ARHGEF18: variants seen among roughly 807,000 people sequenced by gnomAD.
ARHGEF18 encodes the protein Rho/Rac guanine nucleotide exchange factor 18.
Under a neutral mutation model 155.7 loss-of-function variants are expected in ARHGEF18, and 93 were observed. The observed-to-expected ratio is 0.60, with a 90% CI of 0.50 to 0.71. ARHGEF18 has a LOEUF of 0.71. Among genes scored for constraint, ARHGEF18 ranks in the 30% least tolerant of loss-of-function variants. The probability of loss-of-function intolerance (pLI) is 0.00; values close to 1 mark genes in which losing one functional copy is unlikely to be tolerated. For synonymous variants in ARHGEF18, 742 were observed against 753.1 expected, an observed-to-expected ratio of 0.99 and a Z score of 0.24; for missense variants, 1,593 against 1,816.1, an observed-to-expected ratio of 0.88 and a Z score of 2.23.
chr19:7,453,355 A>T, intron 16 of ARHGEF18, 112 bp from the exon 17 acceptor site: 1 of 1,345,910 alleles, frequency 7.4e-7, no homozygotes, highest in Non-Finnish European at 1.0e-6. Flanking sequence ...ACACGCCCAT[A>T]CATAGTGTGT....
intron 10 of ARHGEF18, among the ~76,000 whole-genome samples, chr19:7,399,520 G>T (rs1331429999): frequency 1.4e-5 from 2 of 144,302 alleles, no homozygotes; most frequent in South Asian, 2.2e-4. Flanking sequence ...TTTGCTCTGT[G>T]CCCCAGCCTG....
At chr19:7,359,093 C>T (rs2145329057) in intron 1 of ARHGEF18, among the ~76,000 whole-genome samples, 1 of 152,156 alleles carries the variant, frequency 6.6e-6, no homozygotes, top group Non-Finnish European at 1.5e-5. Context: ...CACAGAGATA[C>T]CAGGAGAATG....
chr19:7,351,305 T>TTTTGTTTGTTTGTTTG (rs143178894), intron 1 of ARHGEF18, among the ~76,000 whole-genome samples: 5 of 150,304 alleles, frequency 3.3e-5, no homozygotes, highest in African/African-American at 7.3e-5. Flanking sequence ...AGTGGACTTC[T>TTTTGTTTGTTTGTTTG]TTTGTTTGTT....
At chr19:7,428,259 A>G (rs953149577) in intron 10 of ARHGEF18, among the ~76,000 whole-genome samples, 17 of 152,092 alleles carry the variant, frequency 1.1e-4, no homozygotes, top group Non-Finnish European at 1.5e-4. Flanking sequence ...TTTTAACTCA[A>G]TTTTCTTGGG....
Position 7,466,970 on chromosome 19 carries a change from C to T in ARHGEF18, c.2957C>T (p.Ser986Leu), listed in dbSNP as rs114123358. The T allele has an allele frequency of 4.9e-4, 785 of 1,613,336 alleles. 5 individuals are homozygous for T. The African/African-American group carries it at 8.6e-3, about 18-fold the overall frequency. The part of the protein sequence containing the change: ...SDPRLPTVLE[S>L]ELVQRIQTLS... ...CCCCGTCTGCCCACCGTCCTGGAGT[C>T]GGAGGTAGGCGCCCGCGGGTCTCCA... The change falls in exon 24 of 29, where the codon TCG becomes TTG. Residue 986 changes from serine (S) to leucine (L), a missense_variant. Ser to Leu is a moderately radical substitution (Grantham distance 145, BLOSUM62 -2). Transcript: ENST00000668164.
chr19:7,353,463 G>A (rs141492046), intron 1 of ARHGEF18, among the ~76,000 whole-genome samples: 5,441 of 151,678 alleles, frequency 0.036, 294 homozygotes, highest in African/African-American at 0.12. Flanking sequence ...GGTAGCGGGC[G>A]CCTGTAATCC....
At position 7,462,541 on chromosome 19, in the gene ARHGEF18, G is replaced by A. The variant is rs1158281840; in HGVS notation, c.2635+207G>A. Reference sequence around the variant, plus strand: ...CCTTAGACATAATCTGGGCCAAGCCGCTCCTTGCAGACATAAAGCACTTTC... The same window carrying A: ...CCTTAGACATAATCTGGGCCAAGCCACTCCTTGCAGACATAAAGCACTTTC... On this transcript the variant is annotated intron_variant, in intron 21 of 28. Transcript: ENST00000668164. This position sits in a 1 kb window ranked among gnomAD's most constrained non-coding sequence, Gnocchi z 4.4. Among the ~76,000 whole-genome samples, 1 of 152,032 alleles carries A rather than the reference G, an allele frequency of 6.6e-6. No homozygotes were observed.
rs895204520 is a variant in ARHGEF18, at chr19:7,376,882, T to C, written c.541+125T>C. 4 of 646,238 alleles carry C rather than the reference T, an allele frequency of 6.2e-6. No homozygotes were observed. In the African/African-American group the frequency reaches 7.6e-5, roughly 12 times the overall value. 40.0% of individuals were successfully genotyped at this position (646,238 alleles called of 1,614,324 possible). ...AGGGTCCCCTTGGTGGGGCTCCAGA[T>C]GGGCCCCAGGGAAGGGAAGGGAGCT... On this transcript the variant is annotated intron_variant, in intron 5 of 28. Transcript: ENST00000668164.
chr19:7,439,172 C>T (rs1333778495), intron 10 of ARHGEF18, among the ~76,000 whole-genome samples: 3 of 151,948 alleles, frequency 2.0e-5, no homozygotes, highest in African/African-American at 7.3e-5. Context: ...CGTGAGCCAC[C>T]GCACCCGGCC....
At position 7,441,413 on chromosome 19, in the gene ARHGEF18, C is replaced by T. The variant is rs1016452850; in HGVS notation, c.1107-240C>T. ...CGAGCTGGTCTCGAACTCCTGACCT[C>T]AGGTGATCCTCCTGGCTTTGGCCTC... On this transcript the variant is annotated intron_variant, in intron 11 of 28. Coordinates refer to ENST00000668164, the MANE Select transcript of ARHGEF18 (RefSeq NM_001367823.1). Among the ~76,000 whole-genome samples, 5 of 152,238 alleles carry T rather than the reference C, an allele frequency of 3.3e-5. No homozygotes were observed. In the East Asian group the frequency reaches 9.7e-4, roughly 29 times the overall value.
Position 7,467,462 on chromosome 19 carries a change from G to A in ARHGEF18, c.3258G>A (p.Ala1086=), listed in dbSNP as rs1976715763. Residue 1086 remains alanine (A), a synonymous_variant, in exon 26 of 29, where the codon GCG becomes GCA. Coordinates refer to ENST00000668164, the MANE Select transcript of ARHGEF18 (RefSeq NM_001367823.1). ...ACCAGGAGCTGGAGCGTGCGGGCGC[G>A]CGGCTGCAGGAGCGCGAGGGCGAGG... ...WQHQELERAG[A]RLQEREGEAR... 2 of 1,499,808 alleles carry A rather than the reference G, an allele frequency of 1.3e-6. No homozygotes were observed. The highest frequency in any genetic ancestry group is 1.8e-6 in the Non-Finnish European group (2 of 1,132,734). 92.9% of individuals were successfully genotyped at this position (1,499,808 alleles called of 1,614,324 possible).
chr19:7,382,501 C>G (rs1033626400), intron 8 of ARHGEF18, among the ~76,000 whole-genome samples: 9 of 152,134 alleles, frequency 5.9e-5, no homozygotes, highest in Admixed American at 3.3e-4. Flanking sequence ...GTGAACAGAG[C>G]TGAAATTCCC....
chr19:7,448,748 A>C (rs1057225358), intron 15 of ARHGEF18, among the ~76,000 whole-genome samples: 5 of 151,696 alleles, frequency 3.3e-5, no homozygotes, highest in African/African-American at 1.2e-4. Context: ...GTGTAGAATG[A>C]TCTTCCTGCC....
At chr19:7,449,102 G>A (rs537680203) in intron 15 of ARHGEF18, among the ~76,000 whole-genome samples, 15 of 152,238 alleles carry the variant, frequency 9.9e-5, no homozygotes, top group South Asian at 2.1e-4. Context: ...TGAAACCTCC[G>A]TCCACGGACT....
chr19:7,353,662 G>A (rs1969210723), intron 1 of ARHGEF18, among the ~76,000 whole-genome samples: 2 of 151,140 alleles, frequency 1.3e-5, no homozygotes, highest in Admixed American at 6.6e-5. Context: ...TTTTTTTAAA[G>A]TGAGATTTAG....
Position 7,383,212 on chromosome 19 carries a change from G to A in ARHGEF18, c.967+9G>A. The stretch of plus-strand genomic sequence containing the variant: ...ACCTTTCTTGAGCTCAGGTAAGTCT[G>A]GTGGCCCAATCCATCCTCCTGGAGG... On this transcript the variant is annotated intron_variant, in intron 10 of 28. Coordinates refer to ENST00000668164, the MANE Select transcript of ARHGEF18 (RefSeq NM_001367823.1). 5 of 1,232,390 alleles carry A rather than the reference G, an allele frequency of 4.1e-6. No homozygotes were observed. Among genetic ancestry groups the A allele is most frequent in the Non-Finnish European group, 5.1e-6 (5 of 988,168 alleles). The allele number at this position is 1,232,390 out of a possible 1,614,324, so 76.3% of individuals were successfully genotyped here. A position where few individuals can be genotyped will look rare whatever the true frequency, so the allele number is the denominator to read the frequency against.
At chr19:7,390,653 A>G (rs923248461) in intron 10 of ARHGEF18, 3 of 152,176 alleles carry the variant, frequency 2.0e-5, no homozygotes, top group African/African-American at 7.2e-5. Context: ...TGTTATTGTC[A>G]TTTAAAGTCT....
chr19:7,445,940 G>A (rs930646700), intron 14 of ARHGEF18, among the ~76,000 whole-genome samples: 1 of 152,024 alleles, frequency 6.6e-6, no homozygotes, highest in Non-Finnish European at 1.5e-5. Flanking sequence ...TGTTTCTAAC[G>A]TCCTTTGGCT....
chr19:7,478,317 G>GTT, the ARHGEF18 span: 1 of 1,610,992 alleles, frequency 6.2e-7, no homozygotes. Context: ...CTCCTACCTG[G>GTT]TGAAGGGCGC....
Sources: gnomAD v4.1 joint callset for allele counts (sites outside exome capture counted in the v4.1 genomes callset) on GRCh38, gnomAD v4.1.1 for gene constraint, Gnocchi (gnomAD v3.1) non-coding constraint, MANE v1.5 for transcripts, NCBI Gene and HGNC (gene_info 2026-07-23, HGNC 2026-07-21) for gene names.